RBFOX3: variants seen among roughly 807,000 people sequenced by gnomAD.
The protein encoded by RBFOX3 is RNA binding protein fox-1 homolog 3.
In RBFOX3, 17 loss-of-function variants were observed where a neutral mutation model predicts 48.7. The observed-to-expected ratio is 0.35, with a 90% CI of 0.24 to 0.52. The LOEUF (loss-of-function observed/expected upper bound fraction) is 0.52. Ranked by LOEUF, RBFOX3 falls within the 20% of genes least tolerant of loss-of-function variation. RBFOX3 has a pLI of 0.94. For missense variants in RBFOX3, 382 were observed against 497.5 expected, an observed-to-expected ratio of 0.77 and a Z score of 2.21; for synonymous variants, 212 against 209.5, an observed-to-expected ratio of 1.01 and a Z score of -0.10.
At chr17:79,097,538 C>T (rs1198998174) in intron 10 of RBFOX3, 114 bp from the exon 11 acceptor site, 2 of 1,415,262 alleles carry the variant, frequency 1.4e-6, no homozygotes, top group Non-Finnish European at 1.9e-6. Flanking sequence ...CTCCCCAAGC[C>T]CCGCCCCCGG....
At chr17:79,095,333 G>T (rs1404549387) in intron 13 of RBFOX3, among the ~76,000 whole-genome samples, 180 bp downstream of exon 13, 1 of 152,200 alleles carries the variant, frequency 6.6e-6, no homozygotes, top group East Asian at 1.9e-4. Flanking sequence ...GGAAGTGACT[G>T]AAGTCAGGGG....
chr17:79,329,871 G>A (rs62061501), intron 2 of RBFOX3, among the ~76,000 whole-genome samples: 2 of 152,096 alleles, frequency 1.3e-5, no homozygotes, highest in Admixed American at 6.5e-5. Flanking sequence ...AGGGTCCCAC[G>A]CAGAGTCCGG....
intron 6 of RBFOX3, among the ~76,000 whole-genome samples, chr17:79,106,398 G>C (rs1212132489): frequency 6.6e-6 from 1 of 152,058 alleles, no homozygotes; most frequent in South Asian, 2.1e-4. Context: ...TGGGGTTTGA[G>C]GGGCAGCCGC....
At chr17:79,474,036 A>G (rs1217203174) in intron 2 of RBFOX3, among the ~76,000 whole-genome samples, 8 of 152,102 alleles carry the variant, frequency 5.3e-5, no homozygotes, top group African/African-American at 1.9e-4. Context: ...TTTTCTCCAA[A>G]TCTATACAAA....
chr17:79,118,702 G>A (rs2034804491), intron 4 of RBFOX3, among the ~76,000 whole-genome samples: 1 of 152,060 alleles, frequency 6.6e-6, no homozygotes, highest in South Asian at 2.1e-4. Flanking sequence ...GTTGGGTGCA[G>A]TGGCTTATTC....
At chr17:79,463,289 A>G (rs111171014) in intron 2 of RBFOX3, among the ~76,000 whole-genome samples, 1,864 of 52,858 alleles carry the variant, frequency 0.035, 210 homozygotes, top group African/African-American at 0.13. Context: ...CACCACCATC[A>G]CCACTGACAC....
rs1568132591 is a variant in RBFOX3, at chr17:79,103,331, AGAG to A, written c.415-80_415-78del. ...AGAAAGAGGAGGAAGACGAGGAAGA[AGAG>A]GAGTGGGAGGGGGGCAGGGGAGTGG... is the stretch of plus-strand genomic sequence containing the variant. On this transcript the variant is annotated intron_variant, in intron 7 of 14. Coordinates refer to ENST00000693108, the MANE Select transcript of RBFOX3 (RefSeq NM_001350451.2). This position sits in a 1 kb window ranked among gnomAD's most constrained non-coding sequence, Gnocchi z 6.1. 1 of 876,510 alleles carries A rather than the reference AGAG, an allele frequency of 1.1e-6. No homozygotes were observed. The allele number at this position is 876,510 out of a possible 1,614,324, so 54.3% of individuals were successfully genotyped here. A position where few individuals can be genotyped will look rare whatever the true frequency, so the allele number is the denominator to read the frequency against.
chr17:79,097,435 C>G lies in RBFOX3; in HGVS notation c.623-11G>C, dbSNP rs1170040285. 4.5e-6 allele frequency: 7 copies of G among 1,539,520 alleles called. No homozygotes were observed. The highest frequency in any genetic ancestry group is 6.1e-6 in the Non-Finnish European group (7 of 1,140,896). On this transcript the variant is annotated splice_polypyrimidine_tract_variant and intron_variant, in intron 10 of 14. Transcript: ENST00000693108. ...AGGGGAACCCCGTCACTGCAGGAAA[C>G]GGGGCCCGAGACACGTGTGAGAGGC...
In RBFOX3 at chr17:79,480,918, C is replaced by A. The variant is rs1284421772; in HGVS notation, c.-175+1536G>T. Among the ~76,000 whole-genome samples, 3 of 152,182 alleles carry A rather than the reference C, an allele frequency of 2.0e-5. No individual in the cohort carries two copies. Among genetic ancestry groups the A allele is most frequent in the Non-Finnish European group, 4.4e-5 (3 of 68,044 alleles). ...TGAGGGCCAGAACTTGACCTTGTCT[C>A]CACTGCGTCTCCAGCACCCCAAACA... On this transcript the variant is annotated intron_variant, in intron 2 of 14. Coordinates refer to ENST00000693108, the MANE Select transcript of RBFOX3 (RefSeq NM_001350451.2). This position sits in a 1 kb window ranked among gnomAD's most constrained non-coding sequence, Gnocchi z 4.8.
chr17:79,124,923 G>A (rs1447317148), intron 4 of RBFOX3, among the ~76,000 whole-genome samples: 1 of 115,446 alleles, frequency 8.7e-6, no homozygotes, highest in Non-Finnish European at 2.0e-5. Flanking sequence ...CTTGTCTCGG[G>A]GGGAGCCCAG....
intron 1 of RBFOX3, among the ~76,000 whole-genome samples, chr17:79,518,531 G>A (rs953157925): frequency 2.6e-5 from 4 of 152,218 alleles, no homozygotes; most frequent in African/African-American, 9.7e-5. Flanking sequence ...ATACCCACGT[G>A]GGGGAAACAC....
At chr17:79,248,086 G>T (rs2063419005) in intron 3 of RBFOX3, among the ~76,000 whole-genome samples, 1 of 152,270 alleles carries the variant, frequency 6.6e-6, no homozygotes, top group Non-Finnish European at 1.5e-5. Flanking sequence ...ACCCTGGGCT[G>T]TGGGTTTCAC....
intron 1 of RBFOX3, among the ~76,000 whole-genome samples, chr17:79,525,166 C>T (rs1262816867): frequency 3.3e-5 from 5 of 152,180 alleles, no homozygotes; most frequent in African/African-American, 9.7e-5. Context: ...GTTGTGGGGC[C>T]GTCCTGTGCA....
intron 2 of RBFOX3, among the ~76,000 whole-genome samples, chr17:79,411,943 C>T (rs538242966): frequency 1.2e-3 from 181 of 151,756 alleles, no homozygotes; most frequent in African/African-American, 4.1e-3. Flanking sequence ...AGTATGTGTG[C>T]GTGTATGCAC....
At chr17:79,181,988 C>G (rs1268581565) in intron 4 of RBFOX3, among the ~76,000 whole-genome samples, 1 of 148,252 alleles carries the variant, frequency 6.7e-6, no homozygotes. Flanking sequence ...CACACACACA[C>G]ACACACACAC....
At chr17:79,202,726 G>A (rs1006741225) in intron 4 of RBFOX3, among the ~76,000 whole-genome samples, 1 of 152,164 alleles carries the variant, frequency 6.6e-6, no homozygotes, top group African/African-American at 2.4e-5. Flanking sequence ...ACAGCCCCTC[G>A]CCCTAACACG....
At chr17:79,614,788 G>A (rs2093987679), upstream of RBFOX3, among the ~76,000 whole-genome samples, 1 of 151,890 alleles carries the variant, frequency 6.6e-6, no homozygotes. Context: ...GAAAAGTAAG[G>A]GAATGCCCCA....
intron 2 of RBFOX3, among the ~76,000 whole-genome samples, chr17:79,368,105 C>T (rs541412106): frequency 6.6e-6 from 1 of 152,340 alleles, no homozygotes; most frequent in African/African-American, 2.4e-5. Flanking sequence ...ACAGAAGTTC[C>T]TGTCCACACC....
intron 4 of RBFOX3, among the ~76,000 whole-genome samples, chr17:79,142,527 G>A (rs1160593486): frequency 6.6e-6 from 1 of 152,084 alleles, no homozygotes; most frequent in African/African-American, 2.4e-5. Flanking sequence ...CAGCAGATCT[G>A]CCCCTACTGG....
Sources: allele counts gnomAD v4.1 joint callset (sites outside exome capture counted in the v4.1 genomes callset), GRCh38; gene constraint gnomAD v4.1.1; non-coding constraint Gnocchi (gnomAD v3.1); transcripts MANE v1.5; gene names NCBI Gene and HGNC (gene_info 2026-07-23, HGNC 2026-07-21).